MYLK: variants seen among roughly 807,000 people sequenced by gnomAD.
MYLK encodes the protein myosin light chain kinase, smooth muscle.
Under a neutral mutation model 203.4 loss-of-function variants are expected in MYLK, and 106 were observed. The ratio of observed to expected loss-of-function variants is 0.52; its 90% confidence interval spans 0.45 to 0.61. The LOEUF is 0.61. Among genes scored for constraint, MYLK ranks in the 20% least tolerant of loss-of-function variants. The pLI is 0.00. For missense variants in MYLK, 2,072 were observed against 2,442.3 expected, an observed-to-expected ratio of 0.85 and a Z score of 3.20; for synonymous variants, 867 against 959.5, an observed-to-expected ratio of 0.90 and a Z score of 1.78.
chr3:123,646,099 C>T (rs1030205330), intron 27 of MYLK, among the ~76,000 whole-genome samples: 3 of 152,104 alleles, frequency 2.0e-5, no homozygotes, highest in South Asian at 2.1e-4. Context: ...CCTCCAGCCT[C>T]GGCGACAGAG....
intron 2 of MYLK, among the ~76,000 whole-genome samples, chr3:123,839,395 A>C (rs1193492412): frequency 6.6e-6 from 1 of 152,208 alleles, no homozygotes; most frequent in Non-Finnish European, 1.5e-5. Context: ...AATCAAAAGA[A>C]AACTGAAATG....
chr3:123,715,211 G>A (rs546487785), intron 13 of MYLK, among the ~76,000 whole-genome samples: 40 of 152,246 alleles, frequency 2.6e-4, no homozygotes, highest in African/African-American at 8.7e-4. Flanking sequence ...TGAAATGATC[G>A]CTCTGGTGAA....
At position 123,626,727 on chromosome 3, in the gene MYLK, G is replaced by A. The variant is rs1246642204; in HGVS notation, c.5238+91C>T. On this transcript the variant is annotated intron_variant, in intron 31 of 33. Coordinates refer to ENST00000360304, the MANE Select transcript of MYLK (RefSeq NM_053025.4). ...TCAGAAATAAATTTAAACTTTCTTG[G>A]TGTGAGGCCAGGGCAAGCTGGGAAT... 4 of 1,584,578 alleles carry A rather than the reference G, an allele frequency of 2.5e-6. No individual in the cohort carries two copies. The African/African-American group carries it at 5.4e-5, about 21-fold the overall frequency.
chr3:123,789,718 G>A (rs980694305), intron 4 of MYLK, among the ~76,000 whole-genome samples: 46 of 150,566 alleles, frequency 3.1e-4, no homozygotes, highest in East Asian at 2.0e-4. Context: ...AGAGGGGAGA[G>A]GAGGGAAGGG....
At chr3:123,688,674 C>T (rs1024381911) in intron 19 of MYLK, among the ~76,000 whole-genome samples, 1 of 152,140 alleles carries the variant, frequency 6.6e-6, no homozygotes, top group Non-Finnish European at 1.5e-5. Flanking sequence ...TTCCTACCAT[C>T]CTGCCCCTTG....
At chr3:123,839,291 G>A (rs2700360) in intron 2 of MYLK, among the ~76,000 whole-genome samples, 128,091 of 152,142 alleles carry the variant, frequency 0.84, 54,135 homozygotes, top group East Asian at 0.96. Flanking sequence ...GTAAGACCCA[G>A]TTATATGCTA....
At chr3:123,637,940 TC>T in intron 29 of MYLK, 130 bp downstream of exon 29, 1 of 1,397,954 alleles carries the variant, frequency 7.2e-7, no homozygotes, top group South Asian at 1.3e-5. Context: ...CCTGCCACCC[TC>T]CTGACTCTGG....
At chr3:123,777,321 G>C (rs1437262218) in intron 4 of MYLK, among the ~76,000 whole-genome samples, 1 of 152,232 alleles carries the variant, frequency 6.6e-6, no homozygotes, top group Non-Finnish European at 1.5e-5. Context: ...AGATATCCTG[G>C]CTACGAAATC....
chr3:123,640,532 A>G lies in MYLK; in HGVS notation c.4620-28T>C. On this transcript the variant is annotated intron_variant, in intron 27 of 33. Transcript: ENST00000360304. The surrounding 1 kb of genome is among the most constrained non-coding windows in gnomAD (Gnocchi z 4.3). ...GCGGGAACACGTGCACGGGGTGGTCAGGCCACAGGCTCATGGAGGCCAGGC... is the reference window on the plus strand; with the variant it reads ...GCGGGAACACGTGCACGGGGTGGTCGGGCCACAGGCTCATGGAGGCCAGGC... 1 of 1,612,360 alleles carries G rather than the reference A, an allele frequency of 6.2e-7. No individual in the cohort carries two copies. Among genetic ancestry groups the G allele is most frequent in the East Asian group, 2.2e-5 (1 of 44,860 alleles).
intron 13 of MYLK, among the ~76,000 whole-genome samples, chr3:123,711,337 A>C (rs1354995050): frequency 6.6e-6 from 1 of 152,250 alleles, no homozygotes; most frequent in Admixed American, 6.5e-5. Context: ...GAACACCTTA[A>C]GTCTCCATAG....
intron 12 of MYLK, 55 bp downstream of exon 12, chr3:123,725,889 C>A (rs1576749825): frequency 6.3e-7 from 1 of 1,590,370 alleles, no homozygotes; most frequent in South Asian, 1.1e-5. Flanking sequence ...AGAATTCAGG[C>A]AGCGCCAAAG....
At chr3:123,624,892 T>A (rs946207386) in intron 31 of MYLK, 1 of 152,224 alleles carries the variant, frequency 6.6e-6, no homozygotes, top group African/African-American at 2.4e-5. Flanking sequence ...TGCTCCCTCT[T>A]TCAACCTCTG....
chr3:123,860,476 G>T (rs1433725359), intron 2 of MYLK, among the ~76,000 whole-genome samples: 1 of 152,182 alleles, frequency 6.6e-6, no homozygotes, highest in Non-Finnish European at 1.5e-5. Flanking sequence ...GAGGATCAGG[G>T]AGCCAAGGAC....
chr3:123,800,257 G>A, intron 3 of MYLK: 1 of 152,162 alleles, frequency 6.6e-6, no homozygotes, highest in South Asian at 2.1e-4. Flanking sequence ...GTCAAGCAGA[G>A]AGCTGAGTCC....
intron 4 of MYLK, among the ~76,000 whole-genome samples, chr3:123,755,212 C>T (rs763677438): frequency 2.8e-4 from 42 of 152,190 alleles, no homozygotes; most frequent in Admixed American, 1.8e-3. Flanking sequence ...TCATTAACTG[C>T]GCCAAAGGCG....
At position 123,707,603 on chromosome 3, in the gene MYLK, C is replaced by T. The variant is rs2061511103; in HGVS notation, c.2390+151G>A. On this transcript the variant is annotated intron_variant, in intron 16 of 33. Coordinates refer to ENST00000360304, the MANE Select transcript of MYLK (RefSeq NM_053025.4). Reference sequence around the variant, plus strand: ...TATACTGAAGTGGAAGAAGCAAAAGCTTGTGAGCAGCACTGAGCCCGCACT... The same window carrying T: ...TATACTGAAGTGGAAGAAGCAAAAGTTTGTGAGCAGCACTGAGCCCGCACT... 5.0e-6 allele frequency: 6 copies of T among 1,204,074 alleles called. No individual in the cohort carries two copies. The East Asian group carries it at 1.4e-4, about 28-fold the overall frequency. The allele number at this position is 1,204,074 out of a possible 1,614,324, so 74.6% of individuals were successfully genotyped here.
chr3:123,799,732 C>T (rs1003801396), intron 3 of MYLK: 1 of 152,448 alleles, frequency 6.6e-6, no homozygotes, highest in African/African-American at 2.4e-5. Flanking sequence ...CTAATCACTC[C>T]TAATTCCGGA....
chr3:123,757,315 TC>T (rs2063387265), intron 4 of MYLK, among the ~76,000 whole-genome samples: 1 of 152,198 alleles, frequency 6.6e-6, no homozygotes, highest in Non-Finnish European at 1.5e-5. Flanking sequence ...AAGCAACATA[TC>T]CATCTTCTCC....
At chr3:123,839,070 G>A (rs1391909016) in intron 2 of MYLK, among the ~76,000 whole-genome samples, 1 of 152,006 alleles carries the variant, frequency 6.6e-6, no homozygotes, top group Non-Finnish European at 1.5e-5. Context: ...CTCCAGCCTG[G>A]GCAACAGAGC....
Sources: gnomAD v4.1 joint callset for allele counts (sites outside exome capture counted in the v4.1 genomes callset) on GRCh38, gnomAD v4.1.1 for gene constraint, Gnocchi (gnomAD v3.1) non-coding constraint, MANE v1.5 for transcripts, NCBI Gene and HGNC (gene_info 2026-07-23, HGNC 2026-07-21) for gene names.